CEP135: variants seen among roughly 807,000 people sequenced by gnomAD.
CEP135 encodes the protein centrosomal protein of 135 kDa.
CEP135 carries 142 observed loss-of-function variants against 157.3 expected under a neutral mutation model. That is an observed-to-expected ratio of 0.90 (90% CI 0.79 to 1.04). The LOEUF (loss-of-function observed/expected upper bound fraction) is 1.04, where lower values mean the gene tolerates loss of function less well. Ranked by LOEUF, CEP135 falls within the 50% of genes least tolerant of loss-of-function variation. The pLI is 0.00. For missense variants in CEP135, 1,317 were observed against 1,309.2 expected (o/e 1.01, Z -0.09); for synonymous variants, 396 against 439.8 (o/e 0.90, Z 1.25).
chr4:55,988,783 C>T (rs1270555257), intron 14 of CEP135, among the ~76,000 whole-genome samples: 1 of 149,304 alleles, frequency 6.7e-6, no homozygotes, highest in African/African-American at 2.5e-5. Context: ...CGGTGAAACC[C>T]CGTCTCTACT....
intron 25 of CEP135, among the ~76,000 whole-genome samples, chr4:56,025,994 A>C (rs993609029): frequency 1.1e-4 from 16 of 151,964 alleles, no homozygotes; most frequent in African/African-American, 3.6e-4. Flanking sequence ...GGATCACTTG[A>C]GGTCAGGAGT....
At chr4:55,959,660 A>T in intron 5 of CEP135, 22 bp from the exon 6 acceptor site, 1 of 1,594,186 alleles carries the variant, frequency 6.3e-7, no homozygotes, top group East Asian at 2.2e-5. Context: ...GTGTATTGGC[A>T]TTAATTTAAA....
intron 17 of CEP135, among the ~76,000 whole-genome samples, chr4:56,000,093 A>G (rs1730111435): frequency 6.6e-6 from 1 of 151,774 alleles, no homozygotes; most frequent in Non-Finnish European, 1.5e-5. Flanking sequence ...CAGGAAGCTG[A>G]GGTGGGAGGA....
rs186837052 is a variant in CEP135, at chr4:55,991,921, A to G, written c.1858-13A>G. The G allele has an allele frequency of 1.5e-5, 20 of 1,344,094 alleles. No homozygotes were observed. In the East Asian group the frequency reaches 4.9e-4, roughly 33 times the overall value. 83.3% of individuals were successfully genotyped at this position (1,344,094 alleles called of 1,614,324 possible). On this transcript the variant is annotated splice_polypyrimidine_tract_variant and intron_variant, in intron 14 of 25. Transcript: ENST00000257287. Reference sequence around the variant, plus strand: ...TAAGATATATACCTACTGTTTTTTTATTTAAATTATAGCTTGAAAGCGAAA... The same window carrying G: ...TAAGATATATACCTACTGTTTTTTTGTTTAAATTATAGCTTGAAAGCGAAA...
chr4:56,008,511 A>T, intron 18 of CEP135, 129 bp downstream of exon 18: 1 of 700,430 alleles, frequency 1.4e-6, no homozygotes, highest in East Asian at 2.6e-5. Context: ...CAATGGTAGC[A>T]TCATTTTCTC....
chr4:56,000,947 T>C (rs1330262846), intron 17 of CEP135, among the ~76,000 whole-genome samples: 4 of 152,210 alleles, frequency 2.6e-5, no homozygotes, highest in African/African-American at 9.6e-5. Flanking sequence ...AAAAGCATTC[T>C]AACTGGGGTG....
At chr4:55,969,897 G>A (rs1728970809) in intron 9 of CEP135, among the ~76,000 whole-genome samples, 1 of 151,990 alleles carries the variant, frequency 6.6e-6, no homozygotes. Flanking sequence ...TTTGGAGACA[G>A]GGGCTTGCCT....
At chr4:56,024,893 T>G (rs998549546) in intron 25 of CEP135, among the ~76,000 whole-genome samples, 3 of 151,804 alleles carry the variant, frequency 2.0e-5, no homozygotes, top group Non-Finnish European at 2.9e-5. Flanking sequence ...TTCCAGCACT[T>G]TGGGGAGGCT....
intron 8 of CEP135, chr4:55,966,123 G>C (rs184666707): frequency 5.7e-6 from 2 of 352,026 alleles, no homozygotes; most frequent in African/African-American, 4.3e-5. Context: ...TTTCCTTCAC[G>C]ATTTTTATCT....
At chr4:55,981,121 G>A in intron 12 of CEP135, 106 bp from the exon 13 acceptor site, 1 of 945,882 alleles carries the variant, frequency 1.1e-6, no homozygotes, top group South Asian at 1.8e-5. Context: ...AGTGACGGTA[G>A]CATGTGTTCA....
At chr4:55,986,647 T>C (rs1288254010) in intron 14 of CEP135, among the ~76,000 whole-genome samples, 8 of 152,236 alleles carry the variant, frequency 5.3e-5, no homozygotes, top group African/African-American at 1.9e-4. Flanking sequence ...TTTGGTATGT[T>C]TCTGTTTTTA....
At chr4:55,973,874 G>A (rs2702327) in intron 10 of CEP135, among the ~76,000 whole-genome samples, 72,029 of 151,914 alleles carry the variant, frequency 0.47, 17,628 homozygotes, top group African/African-American at 0.6. Flanking sequence ...CTGTTATGCT[G>A]AATGCAGTGG....
intron 7 of CEP135, 85 bp from the exon 8 acceptor site, chr4:55,965,559 T>C (rs1728814451): frequency 3.6e-6 from 3 of 843,338 alleles, no homozygotes; most frequent in Admixed American, 3.1e-5. Context: ...TTTTAAAATA[T>C]AGTTTTTTGA....
At chr4:55,989,044 G>A (rs79838101) in intron 14 of CEP135, among the ~76,000 whole-genome samples, 3,200 of 151,890 alleles carry the variant, frequency 0.021, 116 homozygotes, top group African/African-American at 0.074. Context: ...ACCCACAAAT[G>A]TAAGAATTTG....
chr4:55,979,651 A>G (rs962900221), intron 11 of CEP135, among the ~76,000 whole-genome samples: 11 of 152,180 alleles, frequency 7.2e-5, no homozygotes, highest in African/African-American at 2.4e-4. Context: ...TGGAGAAGAT[A>G]AACTAACTAG....
intron 25 of CEP135, among the ~76,000 whole-genome samples, chr4:56,028,592 A>C (rs776158402): frequency 6.6e-6 from 1 of 152,088 alleles, no homozygotes; most frequent in Non-Finnish European, 1.5e-5. Flanking sequence ...CCAAGCACTC[A>C]GAAATGAATT....
intron 9 of CEP135, among the ~76,000 whole-genome samples, chr4:55,970,224 A>T (rs1728986774): frequency 6.6e-6 from 1 of 152,082 alleles, no homozygotes; most frequent in Non-Finnish European, 1.5e-5. Flanking sequence ...TCCTAGTCAC[A>T]TTTCTTGTTC....
intron 15 of CEP135, among the ~76,000 whole-genome samples, chr4:55,996,837 G>C (rs1489077409): frequency 6.6e-6 from 1 of 151,602 alleles, no homozygotes; most frequent in African/African-American, 2.4e-5. Flanking sequence ...TTAAGATGCT[G>C]TCTTTGTTTA....
rs28649591 is a variant in CEP135, at chr4:56,020,290, T to C, written c.3216-386T>C. 4.4e-3 allele frequency among the ~76,000 whole-genome samples: 671 copies of C among 152,236 alleles called. 7 individuals carry two copies. The highest frequency in any genetic ancestry group is 0.015 in the African/African-American group (643 of 41,548). The stretch of plus-strand genomic sequence containing the variant: ...TTAGAATAGAAGGATTTAGACATAT[T>C]TGTAGGAAGAGGGAAAGAAACCCAG... On this transcript the variant is annotated intron_variant, in intron 23 of 25. Coordinates refer to ENST00000257287, the MANE Select transcript of CEP135 (RefSeq NM_025009.5).
Sources: allele counts gnomAD v4.1 joint callset (sites outside exome capture counted in the v4.1 genomes callset), GRCh38; gene constraint gnomAD v4.1.1; transcripts MANE v1.5; gene names NCBI Gene and HGNC (gene_info 2026-07-23, HGNC 2026-07-21).